NEGR1: variants seen among roughly 807,000 people sequenced by gnomAD.
The protein encoded by NEGR1 is IgLON family member 4.
Under a neutral mutation model 40.9 loss-of-function variants are expected in NEGR1, and 10 were observed. The observed-to-expected ratio is 0.24, with a 90% CI of 0.15 to 0.42. The LOEUF (loss-of-function observed/expected upper bound fraction) is 0.42, where lower values mean the gene tolerates loss of function less well. NEGR1 is among the 10% of genes least tolerant of loss of function. NEGR1 has a pLI of 1.00. For synonymous variants in NEGR1, 185 were observed against 166.8 expected, an observed-to-expected ratio of 1.11 and a Z score of -0.84; for missense variants, 352 against 438.9, an observed-to-expected ratio of 0.80 and a Z score of 1.77.
intron 1 of NEGR1, among the ~76,000 whole-genome samples, chr1:71,999,650 T>TATATAC (rs1646537882): frequency 1.4e-5 from 1 of 72,104 alleles, no homozygotes; most frequent in Non-Finnish European, 2.9e-5. Context: ...TATATATATA[T>TATATAC]ATATATATAT....
At chr1:71,582,613 A>G (rs1284149039) in intron 6 of NEGR1, among the ~76,000 whole-genome samples, 1 of 152,216 alleles carries the variant, frequency 6.6e-6, no homozygotes, top group Non-Finnish European at 1.5e-5. Flanking sequence ...GGGGGAAACA[A>G]AGTTTTCTCA....
chr1:71,979,822 G>C (rs1319693358), intron 1 of NEGR1, among the ~76,000 whole-genome samples: 1 of 151,930 alleles, frequency 6.6e-6, no homozygotes, highest in Non-Finnish European at 1.5e-5. Context: ...GGGAATGAGG[G>C]GTGGGCTGAA....
rs143035304 is a variant in NEGR1 at position 71,602,023 on chromosome 1, C to G, written c.788+9003G>C. ...AAAAAGGGACTAGATTGTTTTAGTA[C>G]TCTTGAAAATCCCCTCAATAGCTTT... is the stretch of plus-strand genomic sequence containing the variant. On this transcript the variant is annotated intron_variant, in intron 5 of 6. Transcript: ENST00000357731. 4.2e-3 allele frequency among the ~76,000 whole-genome samples: 633 copies of G among 152,162 alleles called. 2 individuals are homozygous for G. The highest frequency in any genetic ancestry group is 0.014 in the African/African-American group (571 of 41,502).
chr1:72,197,252 T>C (rs1653034152), intron 1 of NEGR1, among the ~76,000 whole-genome samples: 1 of 151,998 alleles, frequency 6.6e-6, no homozygotes, highest in Non-Finnish European at 1.5e-5. Flanking sequence ...AAAATCATAT[T>C]CTTTAGTATT....
intron 5 of NEGR1, among the ~76,000 whole-genome samples, chr1:71,603,823 T>C (rs548190230): frequency 1.3e-5 from 2 of 152,292 alleles, no homozygotes; most frequent in Non-Finnish European, 2.9e-5. Context: ...AGTTCAGAAA[T>C]GCATAACCAT....
chr1:72,094,383 T>C (rs961782429), intron 1 of NEGR1, among the ~76,000 whole-genome samples: 1 of 152,138 alleles, frequency 6.6e-6, no homozygotes, highest in Admixed American at 6.6e-5. Flanking sequence ...AAATAACTTG[T>C]GCAAAGGCCC....
At position 71,935,257 on chromosome 1, in the gene NEGR1, A is replaced by G. The variant is rs2100230953; in HGVS notation, c.231T>C (p.Ile77=). ...SKGAWLNRSS[I]IFAGGDKWSV... The stretch of plus-strand genomic sequence containing the variant: ...ACCACTTATCACCTCCCGCAAAAAT[A>G]ATACTTGACCGGTTCAGCCAGGCAC... Residue 77 remains isoleucine, a synonymous_variant, in exon 2 of 7, where the codon ATT becomes ATC. Transcript: ENST00000357731. 1 of 1,614,040 alleles carries G rather than the reference A, an allele frequency of 6.2e-7. No homozygotes were observed. The highest frequency in any genetic ancestry group is 2.2e-5 in the East Asian group (1 of 44,868).
chr1:72,275,663 T>C (rs1248760917), intron 1 of NEGR1, among the ~76,000 whole-genome samples: 1 of 152,124 alleles, frequency 6.6e-6, no homozygotes, highest in African/African-American at 2.4e-5. Context: ...TAAATTATCA[T>C]TTCTCCTGAA....
intron 6 of NEGR1, among the ~76,000 whole-genome samples, chr1:71,449,907 C>A (rs1167031090): frequency 6.6e-6 from 1 of 151,716 alleles, no homozygotes; most frequent in Non-Finnish European, 1.5e-5. Context: ...GTGATATAAG[C>A]CAGGAATTTT....
intron 1 of NEGR1, among the ~76,000 whole-genome samples, chr1:72,054,982 C>T (rs1377278282): frequency 5.3e-5 from 8 of 150,910 alleles, no homozygotes; most frequent in Non-Finnish European, 1.0e-4. Context: ...CTATAGTACT[C>T]GAATAATAAT....
At chr1:71,921,814 G>A (rs2101883691) in intron 2 of NEGR1, among the ~76,000 whole-genome samples, 2 of 149,986 alleles carry the variant, frequency 1.3e-5, no homozygotes, top group East Asian at 3.9e-4. Context: ...GTATGTTATT[G>A]GTAAGGCTTC....
At chr1:71,699,731 C>T (rs1398417256) in intron 3 of NEGR1, among the ~76,000 whole-genome samples, 1 of 151,762 alleles carries the variant, frequency 6.6e-6, no homozygotes, top group Non-Finnish European at 1.5e-5. Context: ...TATGGCTGTG[C>T]CCCAACCCGA....
intron 4 of NEGR1, among the ~76,000 whole-genome samples, chr1:71,634,650 T>C (rs1192035561): frequency 6.6e-6 from 1 of 152,110 alleles, no homozygotes; most frequent in African/African-American, 2.4e-5. Context: ...GAAGAGAGTA[T>C]GAAGGGGTAA....
intron 4 of NEGR1, among the ~76,000 whole-genome samples, chr1:71,693,624 G>T (rs528956369): frequency 6.6e-6 from 1 of 151,726 alleles, no homozygotes; most frequent in South Asian, 2.1e-4. Flanking sequence ...AGTCAGAGAA[G>T]TAAAGTACCT....
intron 1 of NEGR1, among the ~76,000 whole-genome samples, chr1:72,037,719 A>G (rs889667704): frequency 1.3e-5 from 2 of 152,160 alleles, no homozygotes; most frequent in Non-Finnish European, 1.5e-5. Context: ...AATCTGGATC[A>G]TTGCAAACAT....
chr1:71,953,763 C>T (rs2100279772), intron 1 of NEGR1, among the ~76,000 whole-genome samples: 1 of 152,052 alleles, frequency 6.6e-6, no homozygotes, highest in Non-Finnish European at 1.5e-5. Flanking sequence ...GAACAAAGGA[C>T]TTGTTGAAGG....
At chr1:72,151,811 A>G (rs1651135220) in intron 1 of NEGR1, among the ~76,000 whole-genome samples, 1 of 151,870 alleles carries the variant, frequency 6.6e-6, no homozygotes, top group East Asian at 1.9e-4. Flanking sequence ...GTGTCTTTAT[A>G]TAATAAAAGG....
intron 1 of NEGR1, among the ~76,000 whole-genome samples, chr1:72,091,313 C>CT (rs1330718022): frequency 6.6e-6 from 1 of 151,936 alleles, no homozygotes; most frequent in East Asian, 1.9e-4. Flanking sequence ...TTATCAGATT[C>CT]TTTTTTCTTC....
intron 6 of NEGR1, among the ~76,000 whole-genome samples, chr1:71,424,553 C>T (rs1158422666): frequency 6.6e-6 from 1 of 152,142 alleles, no homozygotes; most frequent in Non-Finnish European, 1.5e-5. Context: ...AGTTAGTTGA[C>T]CTTAAAATCT....
Sources: allele counts gnomAD v4.1 joint callset (sites outside exome capture counted in the v4.1 genomes callset), GRCh38; gene constraint gnomAD v4.1.1; transcripts MANE v1.5; gene names NCBI Gene and HGNC (gene_info 2026-07-23, HGNC 2026-07-21).